ERBB4: variants seen among roughly 807,000 people sequenced by gnomAD.
ERBB4 encodes the protein receptor tyrosine-protein kinase erbB-4.
In ERBB4, 42 loss-of-function variants were observed where a neutral mutation model predicts 158.0. The ratio of observed to expected loss-of-function variants is 0.27; its 90% confidence interval spans 0.21 to 0.34. The LOEUF (loss-of-function observed/expected upper bound fraction) is 0.34, where lower values mean the gene tolerates loss of function less well. Ranked by LOEUF, ERBB4 falls within the 10% of genes least tolerant of loss-of-function variation. The pLI, the probability that ERBB4 is intolerant of heterozygous loss-of-function variation, is 1.00. For synonymous variants in ERBB4, 583 were observed against 558.7 expected, an observed-to-expected ratio of 1.04 and a Z score of -0.61; for missense variants, 1,333 against 1,624.1, an observed-to-expected ratio of 0.82 and a Z score of 3.08.
chr2:211,983,391 T>A (rs997310768), intron 2 of ERBB4, among the ~76,000 whole-genome samples: 4 of 152,174 alleles, frequency 2.6e-5, no homozygotes, highest in Admixed American at 6.5e-5. Flanking sequence ...TTCAAATTAC[T>A]GAAAGGCAAG....
intron 1 of ERBB4, among the ~76,000 whole-genome samples, chr2:212,162,941 A>G (rs1186384100): frequency 1.3e-5 from 2 of 151,990 alleles, no homozygotes; most frequent in Non-Finnish European, 2.9e-5. Flanking sequence ...TGGTCTTCTC[A>G]AAAGATTTCT....
intron 19 of ERBB4, among the ~76,000 whole-genome samples, chr2:211,586,323 TA>T: frequency 6.6e-6 from 1 of 152,094 alleles, no homozygotes; most frequent in East Asian, 1.9e-4. Context: ...ATATAGAACT[TA>T]AGAAGTGAAA....
chr2:212,188,005 A>G (rs2082066163), intron 1 of ERBB4, among the ~76,000 whole-genome samples: 1 of 152,154 alleles, frequency 6.6e-6, no homozygotes, highest in African/African-American at 2.4e-5. Flanking sequence ...TATCCTCACA[A>G]TATCGTACAG....
chr2:212,307,764 T>C (rs2106227155), intron 1 of ERBB4, among the ~76,000 whole-genome samples: 1 of 151,380 alleles, frequency 6.6e-6, no homozygotes, highest in Middle Eastern at 3.4e-3. Flanking sequence ...ATGTAGTTGC[T>C]TTAAATAGCA....
chr2:212,527,690 T>TTTTATTTATTTA (rs143126554), intron 1 of ERBB4, among the ~76,000 whole-genome samples: 25,626 of 149,586 alleles, frequency 0.17, 2,391 homozygotes, highest in Non-Finnish European at 0.2. Flanking sequence ...TCCCCAAATC[T>TTTTATTTATTTA]TTTATTTATT....
chr2:212,229,623 C>T (rs944216707), intron 1 of ERBB4, among the ~76,000 whole-genome samples: 3 of 152,092 alleles, frequency 2.0e-5, no homozygotes, highest in Admixed American at 6.6e-5. Context: ...ATCTCTCTGG[C>T]AGCAGAGGCT....
At chr2:211,426,698 T>C (rs568984381) in intron 22 of ERBB4, among the ~76,000 whole-genome samples, 4 of 151,648 alleles carry the variant, frequency 2.6e-5, no homozygotes, top group African/African-American at 9.7e-5. Context: ...AGACTGCCTA[T>C]ATATCTTGAG....
intron 2 of ERBB4, among the ~76,000 whole-genome samples, chr2:212,052,455 A>G (rs1005271388): frequency 2.0e-5 from 3 of 152,162 alleles, no homozygotes; most frequent in Non-Finnish European, 4.4e-5. Flanking sequence ...TTCCCTTCAT[A>G]TACACATCTA....
At chr2:212,003,216 G>GAAAGGAAGAAAGAAAGAAA (rs1491317567) in intron 2 of ERBB4, among the ~76,000 whole-genome samples, 1 of 34,474 alleles carries the variant, frequency 2.9e-5, no homozygotes, top group East Asian at 5.4e-4. Context: ...ACAGAAAGAA[G>GAAAGGAAGAAAGAAAGAAA]GAAGGAAGGA....
chr2:212,384,246 G>A (rs1469098864), intron 1 of ERBB4, among the ~76,000 whole-genome samples: 1 of 151,654 alleles, frequency 6.6e-6, no homozygotes, highest in Admixed American at 6.6e-5. Flanking sequence ...TTGAGTTACA[G>A]TATTATTGTA....
chr2:212,429,414 A>G (rs1014616868), intron 1 of ERBB4, among the ~76,000 whole-genome samples: 3 of 152,196 alleles, frequency 2.0e-5, no homozygotes, highest in Non-Finnish European at 2.9e-5. Context: ...TTCTGAGGAC[A>G]CAGTGGAGCT....
chr2:211,453,769 A>G (rs184095834), intron 20 of ERBB4, among the ~76,000 whole-genome samples: 2 of 152,322 alleles, frequency 1.3e-5, no homozygotes, highest in East Asian at 3.9e-4. Context: ...AAACGTGTCT[A>G]TGGAATCTAA....
At chr2:212,136,303 T>C (rs865927621) in intron 1 of ERBB4, among the ~76,000 whole-genome samples, 8 of 152,222 alleles carry the variant, frequency 5.3e-5, no homozygotes, top group African/African-American at 1.9e-4. Context: ...GAGACTTCCT[T>C]TTTCATTCCT....
intron 2 of ERBB4, among the ~76,000 whole-genome samples, chr2:212,087,868 T>C (rs973476969): frequency 6.6e-6 from 1 of 152,136 alleles, no homozygotes; most frequent in Non-Finnish European, 1.5e-5. Context: ...GGCAATTTAT[T>C]TAACCTCTAA....
chr2:211,691,786 T>C (rs1233353132), intron 12 of ERBB4, among the ~76,000 whole-genome samples: 1 of 151,950 alleles, frequency 6.6e-6, no homozygotes, highest in Non-Finnish European at 1.5e-5. Context: ...CAAGAGAGTC[T>C]GAGGAAGGAA....
intron 5 of ERBB4, 40 bp from the exon 6 acceptor site, chr2:211,725,234 A>G: frequency 6.9e-7 from 1 of 1,451,378 alleles, no homozygotes; most frequent in East Asian, 2.3e-5. Flanking sequence ...AAAGTCTGCC[A>G]CCAGGAGAAA....
chr2:211,472,014 G>A (rs1425924696), intron 20 of ERBB4, among the ~76,000 whole-genome samples: 1 of 152,044 alleles, frequency 6.6e-6, no homozygotes, highest in African/African-American at 2.4e-5. Context: ...GGAGCAGTAG[G>A]CTTCATGCTG....
intron 3 of ERBB4, among the ~76,000 whole-genome samples, chr2:211,860,031 A>T (rs995865662): frequency 1.3e-5 from 2 of 152,172 alleles, no homozygotes; most frequent in Non-Finnish European, 1.5e-5. Flanking sequence ...AAAAACATAA[A>T]TGGTGGTTAT....
Position 211,409,243 on chromosome 2 carries a change from G to A in ERBB4, c.3135+11198C>T, listed in dbSNP as rs565879074. ...AACCTTACTTTTTACCATGTAACCT[G>A]GAAGTCTCAGCAAAAATACTTTGCC... On this transcript the variant is annotated intron_variant, in intron 25 of 27. Coordinates refer to ENST00000342788, the MANE Select transcript of ERBB4 (RefSeq NM_005235.3). 1.1e-4 allele frequency among the ~76,000 whole-genome samples: 16 copies of A among 152,164 alleles called. No homozygotes were observed. The South Asian group carries it at 3.3e-3, about 32-fold the overall frequency.
Sources: gnomAD v4.1 joint callset for allele counts (sites outside exome capture counted in the v4.1 genomes callset) on GRCh38, gnomAD v4.1.1 for gene constraint, MANE v1.5 for transcripts, NCBI Gene and HGNC (gene_info 2026-07-23, HGNC 2026-07-21) for gene names.